The following PHYKPL variants were observed in gnomAD, a reference collection of about 807,000 sequenced individuals.
PHYKPL encodes 5-phosphonooxy-L-lysine phospho-lyase.
A neutral mutation model predicts 51.3 loss-of-function variants in PHYKPL; 42 were observed. The ratio of observed to expected loss-of-function variants is 0.82; its 90% CI spans 0.64 to 1.06. The LOEUF (loss-of-function observed/expected upper bound fraction) is 1.06, where lower values mean the gene tolerates loss of function less well. Ranked by LOEUF, PHYKPL falls within the 50% of genes least tolerant of loss-of-function variation. The pLI is 0.00. For synonymous variants in PHYKPL, 264 were observed against 236.0 expected (o/e 1.12, Z -1.09); for missense variants, 655 against 586.6 (o/e 1.12, Z -1.20).
chr5:178,210,870 A>G (rs1394082335), intron 12 of PHYKPL: 2 of 552,574 alleles, frequency 3.6e-6, no homozygotes, highest in South Asian at 2.1e-5. Flanking sequence ...CAGGTCCCCC[A>G]GAAGCAGGTG....
intron 11 of PHYKPL, 74 bp downstream of exon 11, chr5:178,212,899 C>T (rs1331034663): frequency 1.9e-6 from 3 of 1,577,318 alleles, no homozygotes; most frequent in East Asian, 2.2e-5. Flanking sequence ...CTCCCTGTTC[C>T]ATGCTAGGAG....
chr5:178,225,725 C>A (rs1357900912), intron 3 of PHYKPL: 1 of 421,166 alleles, frequency 2.4e-6, no homozygotes, highest in African/African-American at 2.0e-5. Context: ...TTTCACACTA[C>A]AACAATCAAC....
chr5:178,222,649 T>C, intron 7 of PHYKPL, 69 bp from the exon 8 acceptor site: 1 of 1,542,880 alleles, frequency 6.5e-7, no homozygotes, highest in African/African-American at 1.4e-5. Context: ...CCAGGAGGTC[T>C]CGGGGCTTTG....
In PHYKPL at chr5:178,222,300, C is replaced by T; in HGVS notation, c.927+55G>A. ...CTTTGCTGACTAAGGACAGGCTGAT[C>T]ACCGGGGGCCTATCAGAACCCATGT... On this transcript the variant is annotated intron_variant, in intron 8 of 12. Transcript: ENST00000308158. The T allele has an allele frequency of 3.4e-6, 5 of 1,474,052 alleles. No individual in the cohort carries two copies. The East Asian group carries it at 1.2e-4, about 35-fold the overall frequency. The allele number at this position is 1,474,052 out of a possible 1,614,324, so 91.3% of individuals were successfully genotyped here. A position where few individuals can be genotyped will look rare whatever the true frequency, so the allele number is the denominator to read the frequency against.
At chr5:178,231,747 T>C in intron 1 of PHYKPL, 3 of 1,510,606 alleles carry the variant, frequency 2.0e-6, no homozygotes, top group African/African-American at 1.4e-5. Context: ...GGATTGTTTC[T>C]GAAAGCATTT....
chr5:178,208,337 G>A (rs1757203151), downstream of PHYKPL, among the ~76,000 whole-genome samples: 1 of 152,182 alleles, frequency 6.6e-6, no homozygotes, highest in South Asian at 2.1e-4. Flanking sequence ...TAAAATGACA[G>A]TCTTTGAGGC....
intron 8 of PHYKPL, among the ~76,000 whole-genome samples, chr5:178,221,294 C>T (rs552983819): frequency 6.6e-6 from 1 of 152,280 alleles, no homozygotes; most frequent in East Asian, 1.9e-4. Context: ...TGATTTCCTG[C>T]TCAGCCTTCC....
rs772738952 is a variant in PHYKPL at position 178,222,474 on chromosome 5, C to G, written c.808G>C (p.Val270Leu). Reference sequence around the variant, plus strand: ...TTGCCCATGGTGACGATGTCAGGGACGAAGTCTTTTCCCTGGAGCTGGAAG... The same window carrying G: ...TTGCCCATGGTGACGATGTCAGGGAGGAAGTCTTTTCCCTGGAGCTGGAAG... ...WAFQLQGKDFVPDIVTMGKSI... is the reference protein window; with the variant it reads ...WAFQLQGKDFLPDIVTMGKSI... Residue 270 changes from valine (V) to leucine (L), a missense_variant, in exon 8 of 13, where the codon GTC becomes CTC. Coordinates refer to ENST00000308158, the MANE Select transcript of PHYKPL (RefSeq NM_153373.4). The G allele has an allele frequency of 1.4e-5, 23 of 1,614,270 alleles. No homozygotes were observed. The South Asian group carries it at 2.3e-4, about 16-fold the overall frequency.
chr5:178,224,362 T>C lies in PHYKPL; in HGVS notation c.618+86A>G, dbSNP rs985606777. On this transcript the variant is annotated intron_variant, in intron 6 of 12. Coordinates refer to ENST00000308158, the MANE Select transcript of PHYKPL (RefSeq NM_153373.4). ...GCAGGGCCTCGTTTGGTTTTCTCTCTGGGTTCCCAGCATCTAGCACAGTGG... is the reference window on the plus strand; with the variant it reads ...GCAGGGCCTCGTTTGGTTTTCTCTCCGGGTTCCCAGCATCTAGCACAGTGG... The C allele has an allele frequency of 6.5e-6, 9 of 1,384,452 alleles. No individual in the cohort carries two copies. The African/African-American group carries it at 1.3e-4, about 20-fold the overall frequency. The allele number at this position is 1,384,452 out of a possible 1,614,324, so 85.8% of individuals were successfully genotyped here.
intron 12 of PHYKPL, chr5:178,210,201 A>C (rs1375664116): frequency 1.2e-6 from 2 of 1,612,768 alleles, no homozygotes; most frequent in African/African-American, 2.7e-5. Context: ...CAGCAGGGCT[A>C]CGGGCCTGGC....
chr5:178,222,278 T>C, intron 8 of PHYKPL, 77 bp downstream of exon 8: 1 of 1,327,914 alleles, frequency 7.5e-7, no homozygotes, highest in Non-Finnish European at 1.0e-6. Flanking sequence ...CTGTAGCCTT[T>C]GCTGACTAAG....
intron 1 of PHYKPL, 78 bp from the exon 2 acceptor site, chr5:178,231,601 C>G (rs1763429551): frequency 6.2e-7 from 1 of 1,605,940 alleles, no homozygotes; most frequent in African/African-American, 1.3e-5. Flanking sequence ...GACCCCCGCC[C>G]ACCCCTTCCC....
chr5:178,222,660 C>T (rs920835282), intron 7 of PHYKPL, 80 bp from the exon 8 acceptor site: 3 of 1,484,026 alleles, frequency 2.0e-6, no homozygotes, highest in African/African-American at 2.8e-5. Context: ...CGGGGCTTTG[C>T]ACCCTGGCTC....
chr5:178,223,318 G>T (rs1054362255), intron 6 of PHYKPL: 1 of 455,974 alleles, frequency 2.2e-6, no homozygotes, highest in Non-Finnish European at 4.4e-6. Flanking sequence ...GCCTGGACAT[G>T]CCTGCCTCCT....
chr5:178,225,556 CTTGT>C (rs986998338), intron 3 of PHYKPL, 127 bp from the exon 4 acceptor site: 7 of 875,702 alleles, frequency 8.0e-6, no homozygotes, highest in African/African-American at 5.0e-5. Flanking sequence ...CAGTCACTTG[CTTGT>C]TTGTTTGGTA....
At chr5:178,207,238 C>T, downstream of PHYKPL, 2 of 1,613,518 alleles carry the variant, frequency 1.2e-6, no homozygotes, top group Non-Finnish European at 8.5e-7. Context: ...AAGGTGTTCC[C>T]AGCTCTGCTT....
rs897894145 is a variant in PHYKPL, at chr5:178,232,683, G to A, written c.-133C>T. On this transcript the variant is annotated 5_prime_UTR_variant, in exon 1 of 13. Coordinates refer to ENST00000308158, the MANE Select transcript of PHYKPL (RefSeq NM_153373.4). ...GGGGCTCAGGTTCGCACTCGGCCCC[G>A]CCCCGAAGCGCCCGCGTTGCGGTGG... 3 of 965,260 alleles carry A rather than the reference G, an allele frequency of 3.1e-6. No homozygotes were observed. Among genetic ancestry groups the A allele is most frequent in the Non-Finnish European group, 2.7e-6 (2 of 749,406 alleles). 59.8% of individuals were successfully genotyped at this position (965,260 alleles called of 1,614,324 possible).
chr5:178,208,130 G>C (rs935583237), downstream of PHYKPL, among the ~76,000 whole-genome samples: 1 of 152,158 alleles, frequency 6.6e-6, no homozygotes, highest in Admixed American at 6.5e-5. Flanking sequence ...CCTGAACTCT[G>C]GTCAGGGAAA....
At chr5:178,218,760 A>C (rs910982402) in intron 8 of PHYKPL, among the ~76,000 whole-genome samples, 27 of 152,260 alleles carry the variant, frequency 1.8e-4, no homozygotes, top group African/African-American at 6.0e-4. Context: ...ATCTTCCCAC[A>C]AAACACAAGG....
Sources: allele counts gnomAD v4.1 joint callset (sites outside exome capture counted in the v4.1 genomes callset), GRCh38; gene constraint gnomAD v4.1.1; transcripts MANE v1.5; gene names NCBI Gene and HGNC (gene_info 2026-07-23, HGNC 2026-07-21).